Variants in PRR15 observed in about 807,000 individuals in gnomAD.
PRR15 encodes the protein proline rich 15, also known as proline-rich protein 15.
A neutral mutation model predicts 3.0 loss-of-function variants in PRR15; 4 were observed. The observed-to-expected ratio is 1.34, with a 90% confidence interval of 0.66 to 3.08. The LOEUF is 3.08. Among genes scored for constraint, PRR15 ranks in the 30% most tolerant of loss-of-function variants. The pLI is 0.01. For synonymous variants in PRR15, 82 were observed against 79.8 expected, an observed-to-expected ratio of 1.03 and a Z score of -0.14; for missense variants, 200 against 179.5, an observed-to-expected ratio of 1.11 and a Z score of -0.65.
rs183848303 is a variant in PRR15 at position 29,567,214 on chromosome 7, A to C, written c.*495A>C. Reference sequence around the variant, plus strand: ...TCTTAAGTAGAAGCATTTTAAAATAAGGCAGGATTGCTTTTAATGTTAAAC... The same window carrying C: ...TCTTAAGTAGAAGCATTTTAAAATACGGCAGGATTGCTTTTAATGTTAAAC... On this transcript the variant is annotated 3_prime_UTR_variant, in exon 2 of 2. Coordinates refer to ENST00000319694, the MANE Select transcript of PRR15 (RefSeq NM_175887.3). The C allele has an allele frequency of 6.2e-3, 1,049 of 168,528 alleles. 13 individuals are homozygous for C. Among genetic ancestry groups the C allele is most frequent in the African/African-American group, 0.024 (999 of 41,634 alleles). 10.4% of individuals were successfully genotyped at this position (168,528 alleles called of 1,614,324 possible).
chr7:29,565,275 GGAAAA>G (rs1467453733), intron 1 of PRR15, among the ~76,000 whole-genome samples: 2 of 152,242 alleles, frequency 1.3e-5, no homozygotes, highest in African/African-American at 4.8e-5. Flanking sequence ...AATTGCACAA[GGAAAA>G]GAAGAGAAGC....
chr7:29,566,101 C>T (rs1391895219), intron 1 of PRR15, 84 bp from the exon 2 acceptor site: 2 of 591,500 alleles, frequency 3.4e-6, no homozygotes, highest in African/African-American at 3.8e-5. Flanking sequence ...GATCCGGTGC[C>T]AGACAGCATA....
chr7:29,565,694 C>T (rs1467223208), intron 1 of PRR15: 2 of 152,240 alleles, frequency 1.3e-5, no homozygotes, highest in African/African-American at 4.8e-5. Flanking sequence ...TGACCATGGA[C>T]TAATTAATAC....
At position 29,566,635 on chromosome 7, in the gene PRR15, AGT is replaced by A; in HGVS notation, c.308_309del (p.Val103AlafsTer20). On this transcript the variant is annotated frameshift_variant, in exon 2 of 2. Coordinates refer to ENST00000319694, the MANE Select transcript of PRR15 (RefSeq NM_175887.3). LOFTEE classifies it high-confidence loss of function. ...CCGGCCGCTTTAAGGAGAAGAGGAA[AGT>A]GCGCGCCACGCTGCTCCCGGAGGCG... ...RSGRFKEKRKVRATLLPEAGR... is the reference protein window; with the variant it reads ...RSGRFKEKRKXRATLLPEAGR... The A allele has an allele frequency of 1.3e-6, 2 of 1,594,322 alleles. No individual in the cohort carries two copies. Among genetic ancestry groups the A allele is most frequent in the Non-Finnish European group, 1.7e-6 (2 of 1,170,764 alleles).
chr7:29,565,252 C>G (rs1383300102), intron 1 of PRR15, among the ~76,000 whole-genome samples: 4 of 152,198 alleles, frequency 2.6e-5, no homozygotes, highest in African/African-American at 9.7e-5. Flanking sequence ...GTTCTTTCTC[C>G]TTGGGAGGAG....
At chr7:29,564,969 G>A (rs74322351) in intron 1 of PRR15, among the ~76,000 whole-genome samples, 1 of 152,206 alleles carries the variant, frequency 6.6e-6, no homozygotes, top group African/African-American at 2.4e-5. Context: ...AACAAACACC[G>A]CCGAAGTTTC....
At chr7:29,565,230 G>A (rs1256362168) in intron 1 of PRR15, among the ~76,000 whole-genome samples, 1 of 152,258 alleles carries the variant, frequency 6.6e-6, no homozygotes, top group Non-Finnish European at 1.5e-5. Context: ...TTGTTTCGGA[G>A]TTCCTTGTTG....
Position 29,566,539 on chromosome 7 carries a change from G to GC in PRR15, c.216dup (p.Lys73GlnfsTer26), listed in dbSNP as rs1214516765. ...CCAATCTCCTCGGGGGCGCCGGCGA[G>GC]CCCCCCAAACCAGACAAGTTATACG... On this transcript the variant is annotated frameshift_variant, in exon 2 of 2. Transcript: ENST00000319694. LOFTEE classifies it high-confidence loss of function. The GC allele has an allele frequency of 1.2e-6, 2 of 1,607,332 alleles. No homozygotes were observed. Among genetic ancestry groups the GC allele is most frequent in the Non-Finnish European group, 1.7e-6 (2 of 1,177,348 alleles).
rs988070218 is a variant in PRR15 at position 29,564,067 on chromosome 7, G to A, written c.-456G>A. On this transcript the variant is annotated 5_prime_UTR_variant, in exon 1 of 2. Transcript: ENST00000319694. Reference sequence around the variant, plus strand: ...ACTACTAGCCCGGAAAGCCGCCCTGGACCTTCCACCCGGGCAGCGAGTCTG... The same window carrying A: ...ACTACTAGCCCGGAAAGCCGCCCTGAACCTTCCACCCGGGCAGCGAGTCTG... 1.3e-5 allele frequency: 2 copies of A among 152,748 alleles called. No individual in the cohort carries two copies. The highest frequency in any genetic ancestry group is 6.5e-5 in the Admixed American group (1 of 15,316). 9.5% of individuals were successfully genotyped at this position (152,748 alleles called of 1,614,324 possible).
At chr7:29,565,628 G>T (rs183185561) in intron 1 of PRR15, 4 of 152,230 alleles carry the variant, frequency 2.6e-5, no homozygotes, top group Admixed American at 1.3e-4. Flanking sequence ...CATCGAAAAG[G>T]CTCCTGGGAC....
Position 29,566,943 on chromosome 7 carries a change from A to G in PRR15, c.*224A>G, listed in dbSNP as rs1038508709. 1 of 478,006 alleles carries G rather than the reference A, an allele frequency of 2.1e-6. No homozygotes were observed. The highest frequency in any genetic ancestry group is 3.7e-6 in the Non-Finnish European group (1 of 273,542). 29.6% of individuals were successfully genotyped at this position (478,006 alleles called of 1,614,324 possible). On this transcript the variant is annotated 3_prime_UTR_variant, in exon 2 of 2. Coordinates refer to ENST00000319694, the MANE Select transcript of PRR15 (RefSeq NM_175887.3). ...GATGCATTAAATATTTATTTGTGGT[A>G]AGAGAAGATACCTGCCGCGGAGGAG...
intron 1 of PRR15, chr7:29,565,780 G>T (rs1792887660): frequency 6.5e-6 from 1 of 153,644 alleles, no homozygotes; most frequent in Admixed American, 6.5e-5. Flanking sequence ...AGGCCGCCCT[G>T]GGTCGGATGG....
Position 29,566,734 on chromosome 7 carries a change from G to A in PRR15, c.*15G>A, listed in dbSNP as rs1367561539. On this transcript the variant is annotated 3_prime_UTR_variant, in exon 2 of 2. Coordinates refer to ENST00000319694, the MANE Select transcript of PRR15 (RefSeq NM_175887.3). ...ACAAGCAGTAGCCCCAATAGCCTGC[G>A]CGCTCCAGGACTGCCTACCCAGCAC... is the stretch of plus-strand genomic sequence containing the variant. 6.5e-7 allele frequency: 1 copy of A among 1,537,752 alleles called. No homozygotes were observed. Among genetic ancestry groups the A allele is most frequent in the Admixed American group, 2.0e-5 (1 of 51,266 alleles).
rs1320005560 is a variant in PRR15 at position 29,564,299 on chromosome 7, G to A, written c.-224G>A. The A allele has an allele frequency of 6.6e-6, 1 of 152,372 alleles. No homozygotes were observed. Among genetic ancestry groups the A allele is most frequent in the Non-Finnish European group, 1.5e-5 (1 of 68,186 alleles). The allele number at this position is 152,372 out of a possible 1,614,324, so 9.4% of individuals were successfully genotyped here. ...CAGGGACTCGAGCCCCGGCTTCCAG[G>A]TTGACCCGAGCGCGCCCCCTTCGTG... On this transcript the variant is annotated 5_prime_UTR_variant, in exon 1 of 2. Coordinates refer to ENST00000319694, the MANE Select transcript of PRR15 (RefSeq NM_175887.3).
rs1792920772 is a variant in PRR15 at position 29,566,721 on chromosome 7, C to T, written c.*2C>T. 5 of 1,549,926 alleles carry T rather than the reference C, an allele frequency of 3.2e-6. No individual in the cohort carries two copies. Among genetic ancestry groups the T allele is most frequent in the African/African-American group, 1.4e-5 (1 of 73,282 alleles). On this transcript the variant is annotated 3_prime_UTR_variant, in exon 2 of 2. Transcript: ENST00000319694. Reference sequence around the variant, plus strand: ...GACCCCCACGAGGACAAGCAGTAGCCCCAATAGCCTGCGCGCTCCAGGACT... The same window carrying T: ...GACCCCCACGAGGACAAGCAGTAGCTCCAATAGCCTGCGCGCTCCAGGACT...
chr7:29,564,449 C>T (rs1431199436), intron 1 of PRR15, 72 bp downstream of exon 1: 1 of 152,156 alleles, frequency 6.6e-6, no homozygotes, highest in African/African-American at 2.4e-5. Flanking sequence ...GGGGTGCTGC[C>T]TGGTACCTCC....
intron 1 of PRR15, among the ~76,000 whole-genome samples, chr7:29,565,276 G>A (rs1792867740): frequency 6.6e-6 from 1 of 152,242 alleles, no homozygotes; most frequent in Non-Finnish European, 1.5e-5. Flanking sequence ...ATTGCACAAG[G>A]AAAAGAAGAG....
At chr7:29,566,150 C>A in intron 1 of PRR15, 35 bp from the exon 2 acceptor site, 1 of 737,244 alleles carries the variant, frequency 1.4e-6, no homozygotes, top group Non-Finnish European at 2.2e-6. Flanking sequence ...GTGACTTCAA[C>A]CAACCCAGTA....
At chr7:29,565,192 G>C (rs1792865042) in intron 1 of PRR15, among the ~76,000 whole-genome samples, 1 of 152,216 alleles carries the variant, frequency 6.6e-6, no homozygotes, top group Non-Finnish European at 1.5e-5. Flanking sequence ...GCAGAGGGGG[G>C]GTCTTAGAAG....
Sources: gnomAD v4.1 joint callset for allele counts (sites outside exome capture counted in the v4.1 genomes callset) on GRCh38, gnomAD v4.1.1 for gene constraint, MANE v1.5 for transcripts, NCBI Gene and HGNC (gene_info 2026-07-23, HGNC 2026-07-21) for gene names.